Variants in FAS observed in about 807,000 individuals in gnomAD.
FAS encodes Fas cell surface death receptor.
A neutral mutation model predicts 33.2 loss-of-function variants in FAS; 5 were observed. The ratio of observed to expected loss-of-function variants is 0.15; its 90% CI spans 0.08 to 0.32. The LOEUF (loss-of-function observed/expected upper bound fraction) is 0.32. FAS is among the 10% of genes least tolerant of loss of function. The pLI, the probability that FAS is intolerant of heterozygous loss-of-function variation, is 1.00. For missense variants in FAS, 339 were observed against 386.0 expected (o/e 0.88, Z 1.02); for synonymous variants, 131 against 130.7 (o/e 1.00, Z -0.01).
intron 1 of FAS, among the ~76,000 whole-genome samples, chr10:88,971,960 G>A (rs560558818): frequency 1.3e-5 from 2 of 151,290 alleles, no homozygotes; most frequent in Non-Finnish European, 2.9e-5. Context: ...CCAGGCTGGA[G>A]TGCAGAGGCG....
upstream of FAS, among the ~76,000 whole-genome samples, chr10:88,989,131 A>T (rs930496172): frequency 6.6e-6 from 1 of 152,186 alleles, no homozygotes; most frequent in African/African-American, 2.4e-5. Context: ...TTTGTAAAGT[A>T]AGTTTAATAA....
At chr10:88,977,074 G>A (rs1378328263) in intron 2 of FAS, among the ~76,000 whole-genome samples, 2 of 152,162 alleles carry the variant, frequency 1.3e-5, no homozygotes, top group Admixed American at 6.5e-5. Flanking sequence ...GGACTGAATT[G>A]TTAAAAAATT....
At chr10:89,008,845 A>G (rs1428918120) in intron 3 of FAS, 44 bp from the exon 4 acceptor site, 4 of 1,573,406 alleles carry the variant, frequency 2.5e-6, no homozygotes, top group Admixed American at 1.7e-5. Flanking sequence ...TAGTCTGCTT[A>G]TAATTAGCCG....
At chr10:88,968,420 T>C (rs1846360977) in intron 1 of FAS, among the ~76,000 whole-genome samples, 1 of 152,044 alleles carries the variant, frequency 6.6e-6, no homozygotes, top group Non-Finnish European at 1.5e-5. Flanking sequence ...TAAAACCATG[T>C]TTGTTTTCCT....
chr10:88,989,933 T>C (rs972507424), upstream of FAS, among the ~76,000 whole-genome samples: 2 of 152,222 alleles, frequency 1.3e-5, no homozygotes, highest in Non-Finnish European at 2.9e-5. Flanking sequence ...CTAAGAGCTA[T>C]CTACCGTTCC....
rs994432791 is a variant in FAS, at chr10:89,016,232, G to A, written c.*1782G>A. The A allele has an allele frequency of 9.2e-6, 2 of 216,900 alleles. No homozygotes were observed. Among genetic ancestry groups the A allele is most frequent in the Non-Finnish European group, 1.9e-5 (2 of 107,812 alleles). 13.4% of individuals were successfully genotyped at this position (216,900 alleles called of 1,614,324 possible). On this transcript the variant is annotated 3_prime_UTR_variant, in exon 9 of 9. Coordinates refer to ENST00000652046, the MANE Select transcript of FAS (RefSeq NM_000043.6). ...TATTAGCATTTCAACATGTAAGCAT[G>A]TCGGTAAGATAGTTGTGCTTTGCTT... is the stretch of plus-strand genomic sequence containing the variant.
At chr10:88,991,001 G>A in intron 1 of FAS, 95 bp downstream of exon 1, 1 of 1,564,562 alleles carries the variant, frequency 6.4e-7, no homozygotes, top group African/African-American at 1.4e-5. Flanking sequence ...GGATTGCGGC[G>A]GCAGCGGCGC....
chr10:89,005,405 G>A (rs533010240), intron 2 of FAS, among the ~76,000 whole-genome samples: 53 of 152,012 alleles, frequency 3.5e-4, no homozygotes, highest in African/African-American at 1.3e-3. Flanking sequence ...TATGTAAATT[G>A]ACATTTTTGA....
At chr10:88,989,382 T>C (rs1202269845), upstream of FAS, 2 of 396,630 alleles carry the variant, frequency 5.0e-6, no homozygotes, top group Non-Finnish European at 1.0e-5. Context: ...TTTGGAATAG[T>C]TTTAGGATTT....
intron 1 of FAS, among the ~76,000 whole-genome samples, chr10:89,001,509 C>G (rs1847929559): frequency 6.6e-6 from 1 of 151,412 alleles, no homozygotes; most frequent in African/African-American, 2.4e-5. Context: ...AGCTGTTGCT[C>G]TATTTGTAAC....
intron 1 of FAS, among the ~76,000 whole-genome samples, chr10:88,965,771 A>C (rs1456186117): frequency 6.6e-6 from 1 of 152,086 alleles, no homozygotes; most frequent in Non-Finnish European, 1.5e-5. Flanking sequence ...GAAACAGCAG[A>C]CTCCATGGAA....
At chr10:89,008,794 T>G in intron 3 of FAS, 95 bp from the exon 4 acceptor site, 6 of 1,085,734 alleles carry the variant, frequency 5.5e-6, no homozygotes, top group Non-Finnish European at 1.4e-6. Flanking sequence ...ATATAAGCAG[T>G]GGATCTCAAA....
chr10:89,008,003 T>C (rs549492411), intron 3 of FAS, among the ~76,000 whole-genome samples, 166 bp downstream of exon 3: 1 of 152,304 alleles, frequency 6.6e-6, no homozygotes, highest in South Asian at 2.1e-4. Context: ...AGCTAACTAC[T>C]GGTCTAGACC....
At chr10:89,006,964 T>G (rs1848262511) in intron 2 of FAS, among the ~76,000 whole-genome samples, 1 of 152,200 alleles carries the variant, frequency 6.6e-6, no homozygotes, top group African/African-American at 2.4e-5. Context: ...AGATAATAAA[T>G]TTTGGCATAA....
chr10:88,989,344 C>T (rs758790749), upstream of FAS: 1 of 311,230 alleles, frequency 3.2e-6, no homozygotes, highest in Non-Finnish European at 6.5e-6. Context: ...CTTCTTTTTA[C>T]ATTTTTTTAT....
chr10:89,005,064 T>G (rs781004987), intron 2 of FAS, among the ~76,000 whole-genome samples: 10 of 152,112 alleles, frequency 6.6e-5, no homozygotes, highest in Non-Finnish European at 1.2e-4. Context: ...ATGTTGTTGA[T>G]GAATTTTGTG....
At chr10:88,970,604 A>T (rs1219597983) in intron 1 of FAS, among the ~76,000 whole-genome samples, 1 of 152,218 alleles carries the variant, frequency 6.6e-6, no homozygotes, top group Non-Finnish European at 1.5e-5. Flanking sequence ...CAGTTGGCAC[A>T]GCATTAGAAT....
At chr10:88,988,403 A>G (rs1846973182), upstream of FAS, among the ~76,000 whole-genome samples, 1 of 145,278 alleles carries the variant, frequency 6.9e-6, no homozygotes, top group African/African-American at 2.6e-5. Flanking sequence ...CTTAGTGGTA[A>G]AAAGATGTAG....
At chr10:89,003,288 T>C (rs1042165551) in intron 2 of FAS, 94 bp downstream of exon 2, 1 of 1,385,148 alleles carries the variant, frequency 7.2e-7, no homozygotes, top group Non-Finnish European at 1.0e-6. Flanking sequence ...CAGTTTTTGG[T>C]TCCCCTATAT....
Sources: gnomAD v4.1 joint callset for allele counts (sites outside exome capture counted in the v4.1 genomes callset) on GRCh38, gnomAD v4.1.1 for gene constraint, MANE v1.5 for transcripts, NCBI Gene and HGNC (gene_info 2026-07-23, HGNC 2026-07-21) for gene names.